The following RYK variants were observed in gnomAD, a reference collection of about 807,000 sequenced individuals.
The protein encoded by RYK is inactive tyrosine-protein kinase RYK.
A neutral mutation model predicts 70.2 loss-of-function variants in RYK; 21 were observed. That is an observed-to-expected ratio of 0.30 (90% confidence interval 0.21 to 0.43). RYK has a LOEUF of 0.43. RYK is among the 20% of genes least tolerant of loss of function. The pLI is 1.00. For synonymous variants in RYK, 267 were observed against 278.0 expected, an observed-to-expected ratio of 0.96 and a Z score of 0.39; for missense variants, 604 against 753.3, an observed-to-expected ratio of 0.80 and a Z score of 2.32.
At chr3:134,219,436 T>A (rs67022177) in intron 2 of RYK, among the ~76,000 whole-genome samples, 2,510 of 152,144 alleles carry the variant, frequency 0.016, 34 homozygotes, top group Middle Eastern at 0.065. Context: ...ACCCATACAC[T>A]TGCCCAGGAA....
chr3:134,198,543 T>C (rs1178356004), intron 6 of RYK, among the ~76,000 whole-genome samples: 1 of 152,238 alleles, frequency 6.6e-6, no homozygotes, highest in Admixed American at 6.5e-5. Flanking sequence ...AGTGCCTGTT[T>C]ATTCACCTCT....
At chr3:134,228,721 G>A (rs369052468) in intron 1 of RYK, among the ~76,000 whole-genome samples, 14 of 152,294 alleles carry the variant, frequency 9.2e-5, no homozygotes, top group African/African-American at 3.1e-4. Flanking sequence ...GGAAAGTGGA[G>A]GATGGGGAAA....
At chr3:134,196,273 T>C (rs778191740) in intron 6 of RYK, among the ~76,000 whole-genome samples, 1 of 152,146 alleles carries the variant, frequency 6.6e-6, no homozygotes, top group Non-Finnish European at 1.5e-5. Flanking sequence ...ACGTGAAACA[T>C]AGAAATTCAG....
intron 5 of RYK, among the ~76,000 whole-genome samples, chr3:134,205,950 G>C (rs2014200867): frequency 6.6e-6 from 1 of 152,182 alleles, no homozygotes; most frequent in Admixed American, 6.5e-5. Context: ...GAAAGGGCGG[G>C]AAGATGAGAG....
At chr3:134,239,627 A>T (rs772417857) in intron 1 of RYK, among the ~76,000 whole-genome samples, 4 of 152,216 alleles carry the variant, frequency 2.6e-5, no homozygotes, top group Non-Finnish European at 4.4e-5. Context: ...CAGGATAGTG[A>T]ATTTTTTTGT....
chr3:134,247,686 G>A (rs1368541086), intron 1 of RYK, among the ~76,000 whole-genome samples: 1 of 148,182 alleles, frequency 6.7e-6, no homozygotes, highest in Admixed American at 6.7e-5. Context: ...TGGGCAACAA[G>A]AGCGAAACTC....
chr3:134,173,153 C>T (rs1180096498), intron 13 of RYK, among the ~76,000 whole-genome samples: 16 of 151,934 alleles, frequency 1.1e-4, no homozygotes, highest in African/African-American at 3.4e-4. Flanking sequence ...TGGTGGTGCG[C>T]GCCTATAGTC....
At chr3:134,222,045 T>C (rs2014754048) in intron 2 of RYK, among the ~76,000 whole-genome samples, 1 of 152,138 alleles carries the variant, frequency 6.6e-6, no homozygotes, top group South Asian at 2.1e-4. Context: ...GTCCAACATG[T>C]CTAAAAAGCC....
chr3:134,170,934 A>C (rs2012878676), intron 13 of RYK: 1 of 159,130 alleles, frequency 6.3e-6, no homozygotes, highest in African/African-American at 2.4e-5. Context: ...AAGGCAACAA[A>C]GCTGAAGGAG....
At chr3:134,231,737 T>C (rs917494406) in intron 1 of RYK, among the ~76,000 whole-genome samples, 13 of 152,166 alleles carry the variant, frequency 8.5e-5, no homozygotes, top group South Asian at 6.2e-4. Flanking sequence ...GACACTGCCC[T>C]GGATCGCCAT....
rs1284777873 is a variant in RYK at position 134,250,569 on chromosome 3, A to AGCGGCG, written c.80_85dup (p.Pro27_Pro28dup). 3.1e-3 allele frequency: 3,298 copies of AGCGGCG among 1,078,532 alleles called. 65 individuals carry two copies. In the African/African-American group the frequency reaches 0.051, roughly 17 times the overall value. 66.8% of individuals were successfully genotyped at this position (1,078,532 alleles called of 1,614,324 possible). ...CGGCAACAGCGCAAGCAGAAGCAGC[A>AGCGGCG]GCGGCGGCGGCGGCGGGGCCCTCAG... is the stretch of plus-strand genomic sequence containing the variant. On this transcript the variant is annotated inframe_insertion, in exon 1 of 15. Coordinates refer to ENST00000623711, the MANE Select transcript of RYK (RefSeq NM_002958.4).
intron 5 of RYK, among the ~76,000 whole-genome samples, chr3:134,206,144 T>C (rs1444530129): frequency 6.6e-6 from 1 of 152,206 alleles, no homozygotes; most frequent in Admixed American, 6.5e-5. Flanking sequence ...AAGTAGACGA[T>C]ATGTCACATT....
intron 6 of RYK, among the ~76,000 whole-genome samples, chr3:134,200,130 G>C (rs2107673496): frequency 6.6e-6 from 1 of 152,204 alleles, no homozygotes; most frequent in East Asian, 1.9e-4. Flanking sequence ...ACCCAAGCCA[G>C]CAGCGGCAAC....
intron 4 of RYK, among the ~76,000 whole-genome samples, chr3:134,208,431 C>T (rs2014281740): frequency 6.6e-6 from 1 of 152,184 alleles, no homozygotes; most frequent in African/African-American, 2.4e-5. Flanking sequence ...ATAATGACTA[C>T]ATTGGAGTAG....
At chr3:134,176,600 G>A (rs1034680730) in intron 11 of RYK, among the ~76,000 whole-genome samples, 4 of 151,868 alleles carry the variant, frequency 2.6e-5, no homozygotes, top group Non-Finnish European at 4.4e-5. Context: ...TTTTAAATTA[G>A]CCAGGTATGG....
Position 134,230,103 on chromosome 3 carries a change from G to C in RYK, c.233-7564C>G, listed in dbSNP as rs76225241. Among the ~76,000 whole-genome samples, 489 of 152,128 alleles carry C rather than the reference G, an allele frequency of 3.2e-3. 2 individuals carry two copies. Among genetic ancestry groups the C allele is most frequent in the African/African-American group, 0.011 (455 of 41,512 alleles). Reference sequence around the variant, plus strand: ...GCACAAATATTCATATCCCTCCCCCGAACGTTTTTATTTTTGAGACAGAGT... The same window carrying C: ...GCACAAATATTCATATCCCTCCCCCCAACGTTTTTATTTTTGAGACAGAGT... On this transcript the variant is annotated intron_variant, in intron 1 of 14. Transcript: ENST00000623711.
intron 1 of RYK, among the ~76,000 whole-genome samples, chr3:134,230,224 T>C (rs1031914421): frequency 2.0e-5 from 3 of 152,140 alleles, no homozygotes; most frequent in African/African-American, 7.2e-5. Flanking sequence ...GTAGCTGGGA[T>C]TATGGGCACC....
chr3:134,192,690 T>G (rs749676075), intron 7 of RYK, among the ~76,000 whole-genome samples: 27 of 152,142 alleles, frequency 1.8e-4, no homozygotes, highest in Non-Finnish European at 3.5e-4. Context: ...CTTTAGCAAG[T>G]AGAAGTTGGA....
intron 7 of RYK, among the ~76,000 whole-genome samples, chr3:134,192,584 T>C (rs2013679893): frequency 6.6e-6 from 1 of 152,154 alleles, no homozygotes; most frequent in Non-Finnish European, 1.5e-5. Context: ...TTAATTCCCA[T>C]TCATTCTTAA....
Sources: gnomAD v4.1 joint callset for allele counts (sites outside exome capture counted in the v4.1 genomes callset) on GRCh38, gnomAD v4.1.1 for gene constraint, MANE v1.5 for transcripts, NCBI Gene and HGNC (gene_info 2026-07-23, HGNC 2026-07-21) for gene names.